The following LRRC7 variants were observed in gnomAD, a reference collection of about 807,000 sequenced individuals.
The protein encoded by LRRC7 is leucine rich repeat containing 7, also known as leucine-rich repeat-containing protein 7.
In LRRC7, 23 loss-of-function variants were observed where a neutral mutation model predicts 175.7. That is an observed-to-expected ratio of 0.13 (90% CI 0.09 to 0.19). The LOEUF (loss-of-function observed/expected upper bound fraction) is 0.19, where lower values mean the gene tolerates loss of function less well. Ranked by LOEUF, LRRC7 falls within the 10% of genes least tolerant of loss-of-function variation. The pLI is 1.00. For synonymous variants in LRRC7, 685 were observed against 680.9 expected, an observed-to-expected ratio of 1.01 and a Z score of -0.09; for missense variants, 1,354 against 1,904.7, an observed-to-expected ratio of 0.71 and a Z score of 5.38.
chr1:69,748,612 C>T (rs1669504420), intron 2 of LRRC7, among the ~76,000 whole-genome samples: 1 of 152,120 alleles, frequency 6.6e-6, no homozygotes, highest in Admixed American at 6.6e-5. Flanking sequence ...TCTCAATAGA[C>T]CATGCCAAAT....
intron 24 of LRRC7, among the ~76,000 whole-genome samples, chr1:70,087,673 T>C (rs1240974022): frequency 3.9e-5 from 6 of 152,086 alleles, no homozygotes; most frequent in Non-Finnish European, 7.4e-5. Context: ...TCTAGCTCAA[T>C]TGAAGGAAAA....
intron 23 of LRRC7, among the ~76,000 whole-genome samples, chr1:70,061,562 T>G (rs1016919541): frequency 6.6e-6 from 1 of 152,168 alleles, no homozygotes. Flanking sequence ...CCAGATTGAT[T>G]AAATCATATA....
chr1:69,953,162 G>A (rs1650126373), intron 8 of LRRC7, among the ~76,000 whole-genome samples: 1 of 151,922 alleles, frequency 6.6e-6, no homozygotes, highest in Admixed American at 6.6e-5. Flanking sequence ...TCTTCTCGTA[G>A]TCTTTACTAA....
intron 7 of LRRC7, among the ~76,000 whole-genome samples, chr1:69,857,006 CA>C (rs1377506308): frequency 2.0e-5 from 3 of 152,068 alleles, no homozygotes; most frequent in African/African-American, 4.8e-5. Context: ...GAACCAAAGA[CA>C]AAAACCACGT....
intron 1 of LRRC7, among the ~76,000 whole-genome samples, chr1:69,569,611 G>T (rs1645649996): frequency 6.6e-6 from 1 of 152,136 alleles, no homozygotes; most frequent in African/African-American, 2.4e-5. Flanking sequence ...GGACTGTATA[G>T]ATTGCCTTTT....
intron 7 of LRRC7, among the ~76,000 whole-genome samples, chr1:69,881,376 G>A (rs1686584164): frequency 6.6e-6 from 1 of 152,140 alleles, no homozygotes; most frequent in South Asian, 2.1e-4. Flanking sequence ...AATTTCCAAT[G>A]AAACCAGTAC....
intron 11 of LRRC7, among the ~76,000 whole-genome samples, chr1:70,010,432 G>A (rs1190302281): frequency 1.3e-5 from 2 of 152,100 alleles, no homozygotes; most frequent in Non-Finnish European, 2.9e-5. Context: ...TGGGCGTGGT[G>A]GCAGGAGCCT....
chr1:69,825,884 C>G (rs1679852545), intron 5 of LRRC7, 58 bp downstream of exon 5: 1 of 1,077,376 alleles, frequency 9.3e-7, no homozygotes, highest in African/African-American at 1.6e-5. Context: ...TAATAATGTA[C>G]CTAAATAGAG....
At chr1:69,657,564 G>A (rs1557555668) in intron 1 of LRRC7, among the ~76,000 whole-genome samples, 2 of 151,778 alleles carry the variant, frequency 1.3e-5, no homozygotes, top group African/African-American at 2.4e-5. Flanking sequence ...TTTCCCCGAT[G>A]TGTCTTCTGT....
Position 69,928,651 on chromosome 1 carries a change from C to G in LRRC7, c.648-2856C>G, listed in dbSNP as rs4457522. ...ATCTCCTGGTGCGCCATTTTTTAAG[C>G]CCATTGGAAAAGAGCAGTATTAGGG... is the stretch of plus-strand genomic sequence containing the variant. On this transcript the variant is annotated intron_variant, in intron 7 of 26. Transcript: ENST00000651989. 4.8e-3 allele frequency among the ~76,000 whole-genome samples: 728 copies of G among 152,312 alleles called. 9 individuals carry two copies. The highest frequency in any genetic ancestry group is 0.016 in the African/African-American group (673 of 41,570).
At chr1:70,014,848 TGGAA>T (rs1185217703) in intron 13 of LRRC7, among the ~76,000 whole-genome samples, 2 of 152,084 alleles carry the variant, frequency 1.3e-5, no homozygotes, top group African/African-American at 4.8e-5. Flanking sequence ...TAGAGGTCAC[TGGAA>T]AAGGAAAGAA....
intron 1 of LRRC7, among the ~76,000 whole-genome samples, chr1:69,614,724 A>T (rs892838817): frequency 1.3e-5 from 2 of 152,118 alleles, no homozygotes; most frequent in African/African-American, 4.8e-5. Context: ...GAATACAAAA[A>T]TTTAACAACA....
At chr1:69,586,856 AT>A (rs5774986) in intron 1 of LRRC7, among the ~76,000 whole-genome samples, 34,291 of 152,098 alleles carry the variant, frequency 0.23, 4,880 homozygotes, top group Middle Eastern at 0.33. Context: ...ATTCTAAGAA[AT>A]TCCATTTATT....
intron 7 of LRRC7, among the ~76,000 whole-genome samples, chr1:69,875,172 G>T (rs900540907): frequency 5.3e-5 from 8 of 152,002 alleles, no homozygotes; most frequent in African/African-American, 1.9e-4. Flanking sequence ...TAGCTTTAAA[G>T]ATTAAAGAAA....
chr1:69,906,832 T>C (rs910630619), intron 7 of LRRC7, among the ~76,000 whole-genome samples: 1 of 152,182 alleles, frequency 6.6e-6, no homozygotes, highest in African/African-American at 2.4e-5. Flanking sequence ...TGGCGTTGAA[T>C]CTATAAATTA....
At chr1:69,776,682 C>T (rs1302793703) in intron 3 of LRRC7, among the ~76,000 whole-genome samples, 1 of 151,858 alleles carries the variant, frequency 6.6e-6, no homozygotes, top group East Asian at 1.9e-4. Flanking sequence ...ACCTCACTAA[C>T]TTGCTATTGA....
chr1:69,890,941 T>C (rs2101642974), intron 7 of LRRC7, among the ~76,000 whole-genome samples: 1 of 152,354 alleles, frequency 6.6e-6, no homozygotes, highest in Admixed American at 6.5e-5. Flanking sequence ...TCTGGATTAG[T>C]CTTTGGCTTA....
intron 5 of LRRC7, among the ~76,000 whole-genome samples, chr1:69,827,082 A>G (rs1679999580): frequency 2.0e-5 from 3 of 152,172 alleles, no homozygotes; most frequent in Admixed American, 1.3e-4. Flanking sequence ...AGGGAGGGAA[A>G]AAAAAGAGAA....
chr1:70,123,473 G>T lies in LRRC7; in HGVS notation c.*1586G>T, dbSNP rs956286314. ...ATTTTTGTAGGGTCTATTAAAATGA[G>T]TGTCACTTATTAGAAGTACAGTGGT... On this transcript the variant is annotated 3_prime_UTR_variant, in exon 27 of 27. Transcript: ENST00000651989. The T allele has an allele frequency of 2.0e-5, 3 of 152,138 alleles. No homozygotes were observed. The highest frequency in any genetic ancestry group is 7.2e-5 in the African/African-American group (3 of 41,434). 9.4% of individuals were successfully genotyped at this position (152,138 alleles called of 1,614,324 possible).
Sources: gnomAD v4.1 joint callset for allele counts (sites outside exome capture counted in the v4.1 genomes callset) on GRCh38, gnomAD v4.1.1 for gene constraint, MANE v1.5 for transcripts, NCBI Gene and HGNC (gene_info 2026-07-23, HGNC 2026-07-21) for gene names.